The following PIAS1 variants were observed in gnomAD, a reference collection of about 807,000 sequenced individuals.
PIAS1 encodes protein inhibitor of activated STAT 1, also known as E3 SUMO-protein ligase PIAS1.
A neutral mutation model predicts 71.3 loss-of-function variants in PIAS1; 6 were observed. The observed-to-expected ratio is 0.08, with a 90% CI of 0.05 to 0.17. The LOEUF (loss-of-function observed/expected upper bound fraction) is 0.17. PIAS1 is among the 10% of genes least tolerant of loss of function. The pLI, the probability that PIAS1 is intolerant of heterozygous loss-of-function variation, is 1.00. For missense variants in PIAS1, 555 were observed against 793.6 expected, an observed-to-expected ratio of 0.70 and a Z score of 3.61; for synonymous variants, 303 against 292.9, an observed-to-expected ratio of 1.03 and a Z score of -0.35.
At chr15:68,117,667 G>T (rs574286263) in intron 2 of PIAS1, among the ~76,000 whole-genome samples, 6 of 152,086 alleles carry the variant, frequency 3.9e-5, no homozygotes, top group Non-Finnish European at 8.8e-5. Flanking sequence ...GTTTATCCGT[G>T]TTGCCACAAA....
At chr15:68,093,812 T>G (rs74020028) in intron 2 of PIAS1, among the ~76,000 whole-genome samples, 5,014 of 152,288 alleles carry the variant, frequency 0.033, 201 homozygotes, top group African/African-American at 0.094. Context: ...AATTTCCTAG[T>G]CATTTTTTCT....
intron 2 of PIAS1, among the ~76,000 whole-genome samples, chr15:68,124,219 T>TG (rs1481225753): frequency 6.6e-6 from 1 of 152,308 alleles, no homozygotes; most frequent in African/African-American, 2.4e-5. Flanking sequence ...GTATTACTCT[T>TG]GCATTCTTCA....
chr15:68,149,201 T>TA, intron 6 of PIAS1, among the ~76,000 whole-genome samples: 1 of 152,090 alleles, frequency 6.6e-6, no homozygotes, highest in African/African-American at 2.4e-5. Flanking sequence ...ACATCCTGAA[T>TA]AGGCAGTGGG....
rs145445929 is a variant in PIAS1 at position 68,183,062 on chromosome 15, G to T, written c.1625-568G>T. On this transcript the variant is annotated intron_variant, in intron 12 of 13. Coordinates refer to ENST00000249636, the MANE Select transcript of PIAS1 (RefSeq NM_016166.3). ...GCAGTGAATCCTCAGCAGCCAGGTA[G>T]CAGAACTACTCCTTCTTATGTAATA... 2.7e-4 allele frequency among the ~76,000 whole-genome samples: 41 copies of T among 152,314 alleles called. 1 individual carries two copies. The East Asian group carries it at 3.3e-3, about 12-fold the overall frequency.
intron 1 of PIAS1, among the ~76,000 whole-genome samples, chr15:68,073,792 C>T (rs959029558): frequency 1.3e-5 from 2 of 151,944 alleles, no homozygotes; most frequent in Non-Finnish European, 2.9e-5. Context: ...TAAGCACAAG[C>T]GTGACATCAT....
At chr15:68,060,639 A>C (rs1020609017) in intron 1 of PIAS1, among the ~76,000 whole-genome samples, 18 of 152,186 alleles carry the variant, frequency 1.2e-4, no homozygotes, top group Admixed American at 8.5e-4. Flanking sequence ...AAAATCCCCC[A>C]AAAAACAAAC....
At chr15:68,128,214 A>G (rs1014306413) in intron 2 of PIAS1, among the ~76,000 whole-genome samples, 4 of 152,140 alleles carry the variant, frequency 2.6e-5, no homozygotes, top group Non-Finnish European at 5.9e-5. Flanking sequence ...CGCCCATACT[A>G]GAGTGCAGTG....
intron 1 of PIAS1, among the ~76,000 whole-genome samples, chr15:68,080,057 C>G (rs971844077): frequency 3.3e-5 from 5 of 152,098 alleles, no homozygotes; most frequent in Non-Finnish European, 7.4e-5. Context: ...GTCTCAAACT[C>G]CTGACCTCAA....
At position 68,086,544 on chromosome 15, in the gene PIAS1, C is replaced by G. The variant is rs752225524; in HGVS notation, c.263C>G (p.Thr88Ser). 3 of 1,613,798 alleles carry G rather than the reference C, an allele frequency of 1.9e-6. No homozygotes were observed. The highest frequency in any genetic ancestry group is 2.5e-6 in the Non-Finnish European group (3 of 1,179,858). ...PNVHSSPMPA[T>S]LSPSTIPQLT... ...GTACATTCAAGTCCTATGCCAGCAA[C>G]TTTGTCTCCATCTACCATTCCACAA... The change falls in exon 2 of 14, where the codon ACT (threonine) becomes AGT (serine). Residue 88 changes from threonine to serine, a missense_variant. By Grantham distance (58) the Thr-to-Ser change is moderately conservative (BLOSUM62 1). This residue lies in a region of PIAS1 where 80 missense variants were observed against 66.9 expected (regional missense o/e 1.20). Transcript: ENST00000249636. The surrounding 1 kb of genome is among the most constrained non-coding windows in gnomAD (Gnocchi z 7.2).
chr15:68,139,575 G>A (rs1470629103), intron 2 of PIAS1, among the ~76,000 whole-genome samples: 2 of 152,028 alleles, frequency 1.3e-5, no homozygotes, highest in African/African-American at 4.8e-5. Flanking sequence ...TGATCTGATC[G>A]CTATATACTG....
intron 2 of PIAS1, among the ~76,000 whole-genome samples, chr15:68,103,804 G>A (rs1012372624): frequency 2.6e-5 from 4 of 152,178 alleles, no homozygotes; most frequent in African/African-American, 9.7e-5. Flanking sequence ...TAATGGCCAA[G>A]TAATATTCCG....
At chr15:68,085,763 T>C (rs2092275113) in intron 1 of PIAS1, among the ~76,000 whole-genome samples, 1 of 152,094 alleles carries the variant, frequency 6.6e-6, no homozygotes, top group Admixed American at 6.6e-5. Context: ...ATATAATTGG[T>C]CAAAAAAGGT....
intron 1 of PIAS1, chr15:68,055,144 C>G (rs117214656): frequency 1.0e-6 from 1 of 963,458 alleles, no homozygotes; most frequent in East Asian, 1.2e-4. Flanking sequence ...ACCTCTCTCC[C>G]TTCTTTTGCC....
Position 68,180,811 on chromosome 15 carries a change from G to A in PIAS1, c.1482-401G>A, listed in dbSNP as rs1419624324. On this transcript the variant is annotated intron_variant, in intron 11 of 13. Transcript: ENST00000249636. Reference sequence around the variant, plus strand: ...ATTTTCTTTGCTAGGGCATACGTATGCTTCTTAATAGCCAATACTCTGGTG... The same window carrying A: ...ATTTTCTTTGCTAGGGCATACGTATACTTCTTAATAGCCAATACTCTGGTG... Among the ~76,000 whole-genome samples, 3 of 152,176 alleles carry A rather than the reference G, an allele frequency of 2.0e-5. No individual in the cohort carries two copies. In the East Asian group the frequency reaches 5.8e-4, roughly 29 times the overall value.
intron 2 of PIAS1, among the ~76,000 whole-genome samples, chr15:68,098,332 G>T (rs1251582751): frequency 6.6e-6 from 1 of 152,124 alleles, no homozygotes; most frequent in African/African-American, 2.4e-5. Context: ...CATAAGGAAA[G>T]AAAATATATT....
intron 1 of PIAS1, among the ~76,000 whole-genome samples, chr15:68,081,286 A>G (rs1242340800): frequency 6.6e-6 from 1 of 152,158 alleles, no homozygotes; most frequent in Non-Finnish European, 1.5e-5. Context: ...AAAGCAGGAG[A>G]TTGGGTTGTT....
At chr15:68,061,495 G>A (rs1445039721) in intron 1 of PIAS1, 1 of 152,116 alleles carries the variant, frequency 6.6e-6, no homozygotes, top group African/African-American at 2.4e-5. Flanking sequence ...TCGTCAAAAT[G>A]AAGAAACCAC....
intron 6 of PIAS1, among the ~76,000 whole-genome samples, chr15:68,152,357 G>C (rs1445355691): frequency 6.6e-6 from 1 of 152,238 alleles, no homozygotes; most frequent in Non-Finnish European, 1.5e-5. Context: ...TGTGTAGCAT[G>C]TAAACACAGA....
chr15:68,065,421 C>T (rs1232017362), intron 1 of PIAS1, among the ~76,000 whole-genome samples: 1 of 151,858 alleles, frequency 6.6e-6, no homozygotes, highest in African/African-American at 2.4e-5. Context: ...AAAACCACAT[C>T]TCTACCAAAA....
Sources: gnomAD v4.1 joint callset for allele counts (sites outside exome capture counted in the v4.1 genomes callset) on GRCh38, gnomAD v4.1.1 for gene constraint, gnomAD v4.1.1 regional missense constraint, Gnocchi (gnomAD v3.1) non-coding constraint, MANE v1.5 for transcripts, NCBI Gene and HGNC (gene_info 2026-07-23, HGNC 2026-07-21) for gene names.